The following DLG5 variants were observed in gnomAD, a reference collection of about 807,000 sequenced individuals.
The protein encoded by DLG5 is discs large MAGUK scaffold protein 5.
Under a neutral mutation model 189.8 loss-of-function variants are expected in DLG5, and 48 were observed. The observed-to-expected ratio is 0.25, with a 90% CI of 0.20 to 0.32. DLG5 has a LOEUF of 0.32. DLG5 is among the 10% of genes least tolerant of loss of function. The probability of loss-of-function intolerance (pLI) is 1.00; values close to 1 mark genes in which losing one functional copy is unlikely to be tolerated. For synonymous variants in DLG5, 1,016 were observed against 1,054.1 expected, an observed-to-expected ratio of 0.96 and a Z score of 0.70; for missense variants, 2,160 against 2,544.7, an observed-to-expected ratio of 0.85 and a Z score of 3.25.
chr10:77,869,400 C>T lies in DLG5; in HGVS notation c.305-203G>A, dbSNP rs931444887. 2.3e-5 allele frequency: 13 copies of T among 558,908 alleles called. No individual in the cohort carries two copies. In the African/African-American group the frequency reaches 2.4e-4, roughly 10 times the overall value. 34.6% of individuals were successfully genotyped at this position (558,908 alleles called of 1,614,324 possible). The stretch of plus-strand genomic sequence containing the variant: ...TGCCAGGCCTCCCACCTCACTTTAT[C>T]GGCCCCTCCTGCTCTGGGCAGGCGG... On this transcript the variant is annotated intron_variant, in intron 1 of 31. Coordinates refer to ENST00000372391, the MANE Select transcript of DLG5 (RefSeq NM_004747.4).
Position 77,811,121 on chromosome 10 carries a change from G to T in DLG5, c.4436C>A (p.Thr1479Asn). The change falls in exon 23 of 32, where the codon ACC becomes AAC. Residue 1479 changes from threonine to asparagine, a missense_variant. Physicochemically the swap from Thr to Asn is moderately conservative, Grantham distance 65. This residue lies in a region of DLG5 where 574 missense variants were observed against 644.2 expected (regional missense o/e 0.89). Transcript: ENST00000372391. ...PLMEQDEGPS[T>N]PPAKQSSSRI... Reference sequence around the variant, plus strand: ...GGAGCTGCTCTGCTTGGCTGGGGGGGTGCTAGGCCCCTCGTCCTGCTCCAT... The same window carrying T: ...GGAGCTGCTCTGCTTGGCTGGGGGGTTGCTAGGCCCCTCGTCCTGCTCCAT... 1.2e-6 allele frequency: 2 copies of T among 1,612,284 alleles called. No homozygotes were observed. The highest frequency in any genetic ancestry group is 1.1e-5 in the South Asian group (1 of 91,002).
At chr10:77,890,357 G>A (rs1475099666) in intron 1 of DLG5, among the ~76,000 whole-genome samples, 1 of 152,102 alleles carries the variant, frequency 6.6e-6, no homozygotes, top group Non-Finnish European at 1.5e-5. Flanking sequence ...CCACTGCCAC[G>A]ATGTGGCCAC....
rs1474768224 is a variant in DLG5 at position 77,796,740 on chromosome 10, C to T, written c.5165-146G>A. 1.0e-6 allele frequency: 1 copy of T among 996,636 alleles called. No homozygotes were observed. Among genetic ancestry groups the T allele is most frequent in the South Asian group, 1.6e-5 (1 of 63,602 alleles). The allele number at this position is 996,636 out of a possible 1,614,324, so 61.7% of individuals were successfully genotyped here. A position where few individuals can be genotyped will look rare whatever the true frequency, so the allele number is the denominator to read the frequency against. On this transcript the variant is annotated intron_variant, in intron 27 of 31. Coordinates refer to ENST00000372391, the MANE Select transcript of DLG5 (RefSeq NM_004747.4). This position sits in a 1 kb window ranked among gnomAD's most constrained non-coding sequence, Gnocchi z 5.2. ...AGCACTGAAAATCTCGTGTCCCAGGCACAACCGGGCATCGTCACCCCTGGA... is the reference window on the plus strand; with the variant it reads ...AGCACTGAAAATCTCGTGTCCCAGGTACAACCGGGCATCGTCACCCCTGGA...
chr10:77,868,220 G>A (rs185297539), intron 2 of DLG5: 15 of 416,454 alleles, frequency 3.6e-5, no homozygotes, highest in Admixed American at 1.3e-4. Context: ...GGAACTCGCC[G>A]GCTGGTCACT....
Position 77,822,021 on chromosome 10 carries a change from T to C in DLG5, c.2463A>G (p.Arg821=). 1 of 1,614,238 alleles carries C rather than the reference T, an allele frequency of 6.2e-7. No individual in the cohort carries two copies. The highest frequency in any genetic ancestry group is 8.5e-7 in the Non-Finnish European group (1 of 1,180,036). The change falls in exon 15 of 32, where the codon CGA becomes CGG. Residue 821 remains arginine (R), a synonymous_variant. Transcript: ENST00000372391. The part of the protein sequence containing the change: ...IKDSDKMLSF[R]AHGPEVQAHN... ...GAGCCTGGACCTCCGGGCCATGGGC[T>C]CGAAAACTCAGCATCTTATCAGAGT...
Position 77,815,405 on chromosome 10 carries a change from A to T in DLG5, c.4025+1146T>A, listed in dbSNP as rs1440715619. Among the ~76,000 whole-genome samples, 5 of 152,122 alleles carry T rather than the reference A, an allele frequency of 3.3e-5. 1 individual carries two copies. The highest frequency in any genetic ancestry group is 6.6e-5 in the Admixed American group (1 of 15,266). ...CTGGGCACGGTGGCTCACGTCTGTAATCCCAACACTGTGGGAGGCCGAGGC... is the reference window on the plus strand; with the variant it reads ...CTGGGCACGGTGGCTCACGTCTGTATTCCCAACACTGTGGGAGGCCGAGGC... On this transcript the variant is annotated intron_variant, in intron 20 of 31. Transcript: ENST00000372391.
intron 14 of DLG5, among the ~76,000 whole-genome samples, chr10:77,822,779 C>G (rs558952379): frequency 2.6e-5 from 4 of 152,124 alleles, no homozygotes; most frequent in Non-Finnish European, 5.9e-5. Context: ...CTAAAAAGAA[C>G]TGAAACAACG....
rs74547901 is a variant in DLG5 at position 77,841,214 on chromosome 10, C to T, written c.1437+667G>A. Among the ~76,000 whole-genome samples, 274 of 152,280 alleles carry T rather than the reference C, an allele frequency of 1.8e-3. 2 individuals are homozygous for T. Among genetic ancestry groups the T allele is most frequent in the Non-Finnish European group, 3.4e-3 (233 of 68,028 alleles). Reference sequence around the variant, plus strand: ...GCTAGACCTAGGGCAAGGAGCTCCGCGATGAGGAGAGGTTGACAGGTAGGA... The same window carrying T: ...GCTAGACCTAGGGCAAGGAGCTCCGTGATGAGGAGAGGTTGACAGGTAGGA... On this transcript the variant is annotated intron_variant, in intron 7 of 31. Transcript: ENST00000372391.
In DLG5 at chr10:77,909,904, C is replaced by T. The variant is rs1036373564; in HGVS notation, c.304+16313G>A. Among the ~76,000 whole-genome samples, 79 of 152,056 alleles carry T rather than the reference C, an allele frequency of 5.2e-4. 1 individual carries two copies. The highest frequency in any genetic ancestry group is 9.3e-4 in the Non-Finnish European group (63 of 68,010). Reference sequence around the variant, plus strand: ...CTTATCCTCTTATCTTTATAAAAGGCTTTTTTCCCTGGGACAAGAGGCCCG... The same window carrying T: ...CTTATCCTCTTATCTTTATAAAAGGTTTTTTTCCCTGGGACAAGAGGCCCG... On this transcript the variant is annotated intron_variant, in intron 1 of 31. Coordinates refer to ENST00000372391, the MANE Select transcript of DLG5 (RefSeq NM_004747.4).
At chr10:77,838,720 G>A (rs192044478) in intron 7 of DLG5, among the ~76,000 whole-genome samples, 69 of 152,338 alleles carry the variant, frequency 4.5e-4, no homozygotes, top group African/African-American at 1.6e-3. Context: ...CTGCGGTGAG[G>A]GAGCTAGACC....
At chr10:77,800,842 G>A (rs559741309) in intron 27 of DLG5, among the ~76,000 whole-genome samples, 1 of 152,156 alleles carries the variant, frequency 6.6e-6, no homozygotes, top group South Asian at 2.1e-4. Context: ...GGAAGTCAAG[G>A]CTCCCTAGGG....
the DLG5 span, among the ~76,000 whole-genome samples, chr10:77,936,482 G>T: frequency 6.7e-6 from 1 of 150,368 alleles, no homozygotes; most frequent in African/African-American, 2.5e-5. Context: ...TCTGAGAGAG[G>T]CCCAGACCTA....
intron 21 of DLG5, 29 bp from the exon 22 acceptor site, chr10:77,812,086 G>A (rs372072459): frequency 7.8e-5 from 125 of 1,606,154 alleles, no homozygotes; most frequent in East Asian, 6.5e-4. Flanking sequence ...GGGCTCAGTG[G>A]GGGGGTCGGG....
intron 14 of DLG5, among the ~76,000 whole-genome samples, chr10:77,824,058 A>G (rs1156461792): frequency 6.6e-6 from 1 of 152,174 alleles, no homozygotes; most frequent in Non-Finnish European, 1.5e-5. Context: ...TAACAACTTT[A>G]GCTTGTACCT....
intron 27 of DLG5, 97 bp downstream of exon 27, chr10:77,805,564 AAAGT>A: frequency 7.3e-7 from 1 of 1,367,276 alleles, no homozygotes; most frequent in Non-Finnish European, 1.0e-6. Flanking sequence ...GCACAAAAGC[AAAGT>A]AAGACTCTCT....
intron 13 of DLG5, among the ~76,000 whole-genome samples, chr10:77,826,479 A>C (rs1000806228): frequency 5.3e-5 from 8 of 152,180 alleles, no homozygotes; most frequent in Admixed American, 2.6e-4. Context: ...ATACAAAAAA[A>C]CTAGCAGGGC....
rs750632823 is a variant in DLG5, at chr10:77,866,420, G to A, written c.373+2709C>T. On this transcript the variant is annotated intron_variant, in intron 2 of 31. Transcript: ENST00000372391. ...CCAGGCTTTGTGAGCCACTGGTTTC[G>A]GCACAAACAAGCAGCCAACTGTGGT... Among the ~76,000 whole-genome samples, 85 of 152,140 alleles carry A rather than the reference G, an allele frequency of 5.6e-4. 1 individual carries two copies. Among genetic ancestry groups the A allele is most frequent in the Non-Finnish European group, 9.7e-4 (66 of 68,034 alleles).
chr10:77,854,178 G>T, intron 4 of DLG5, 49 bp downstream of exon 4: 2 of 1,599,714 alleles, frequency 1.3e-6, no homozygotes, highest in Non-Finnish European at 1.7e-6. Context: ...AAGGGCAAAG[G>T]CAGCTGTCTG....
chr10:77,856,731 T>C lies in DLG5; in HGVS notation c.535A>G (p.Arg179Gly). 1 of 1,612,626 alleles carries C rather than the reference T, an allele frequency of 6.2e-7. No individual in the cohort carries two copies. Residue 179 changes from arginine (R) to glycine (G), a missense_variant and splice_region_variant, in exon 3 of 32, where the codon AGG (arginine) becomes GGG (glycine). This residue lies in a region of DLG5 where 664 missense variants were observed against 838.5 expected (regional missense o/e 0.79). Coordinates refer to ENST00000372391, the MANE Select transcript of DLG5 (RefSeq NM_004747.4). ...CAGGGGAGACGGCGCAATTACTACC[T>C]CTTGTCAAAGGCCGTGCCATGCGTA... The part of the protein sequence containing the change: ...FATHGTAFDK[R>G]PYHRLNPDYE...
Sources: gnomAD v4.1 joint callset for allele counts (sites outside exome capture counted in the v4.1 genomes callset) on GRCh38, gnomAD v4.1.1 for gene constraint, gnomAD v4.1.1 regional missense constraint, Gnocchi (gnomAD v3.1) non-coding constraint, MANE v1.5 for transcripts, NCBI Gene and HGNC (gene_info 2026-07-23, HGNC 2026-07-21) for gene names.